KTN1: variants seen among roughly 807,000 people sequenced by gnomAD.
The protein encoded by KTN1 is kinectin.
KTN1 carries 130 observed loss-of-function variants against 222.5 expected under a neutral mutation model. The observed-to-expected ratio is 0.58, with a 90% CI of 0.51 to 0.68. KTN1 has a LOEUF of 0.68. Ranked by LOEUF, KTN1 falls within the 30% of genes least tolerant of loss-of-function variation. The pLI is 0.00. For synonymous variants in KTN1, 512 were observed against 496.3 expected (o/e 1.03, Z -0.42); for missense variants, 1,508 against 1,500.4 (o/e 1.01, Z -0.08).
intron 21 of KTN1, among the ~76,000 whole-genome samples, chr14:55,649,073 C>T (rs138474982): frequency 1.3e-3 from 196 of 152,278 alleles, no homozygotes; most frequent in East Asian, 0.01. Flanking sequence ...ACTGTAGGCT[C>T]ATGCCACAAT....
intron 1 of KTN1, among the ~76,000 whole-genome samples, chr14:55,606,523 TTG>T (rs1477620703): frequency 6.6e-6 from 1 of 152,162 alleles, no homozygotes; most frequent in Non-Finnish European, 1.5e-5. Flanking sequence ...ATTAGTTTTT[TTG>T]TGTCATTTGT....
chr14:55,673,071 T>G, intron 39 of KTN1, 59 bp downstream of exon 39: 1 of 1,514,556 alleles, frequency 6.6e-7, no homozygotes, highest in Non-Finnish European at 9.2e-7. Context: ...TTTATAACAG[T>G]GATATTTCAG....
chr14:55,653,831 A>G lies in KTN1; in HGVS notation c.2801+235A>G, dbSNP rs551492097. 7.9e-5 allele frequency among the ~76,000 whole-genome samples: 12 copies of G among 152,262 alleles called. No individual in the cohort carries two copies. The South Asian group carries it at 8.3e-4, about 11-fold the overall frequency. On this transcript the variant is annotated intron_variant, in intron 28 of 43. Coordinates refer to ENST00000395314, the MANE Select transcript of KTN1 (RefSeq NM_001079521.2). Reference sequence around the variant, plus strand: ...CAAATCCATCAAACCCATTTTTTCAATTATTCTTTCTGCAAATATAGGCTG... The same window carrying G: ...CAAATCCATCAAACCCATTTTTTCAGTTATTCTTTCTGCAAATATAGGCTG...
At chr14:55,651,615 C>G in intron 24 of KTN1, 1 of 419,530 alleles carries the variant, frequency 2.4e-6, no homozygotes. Flanking sequence ...CATCCCACTG[C>G]TTCACTTGAC....
intron 4 of KTN1, among the ~76,000 whole-genome samples, chr14:55,618,878 G>A (rs2038756658): frequency 6.6e-6 from 1 of 152,062 alleles, no homozygotes; most frequent in African/African-American, 2.4e-5. Flanking sequence ...GAATATAATA[G>A]TGCAGATATT....
At chr14:55,629,258 T>A (rs1369354341) in intron 6 of KTN1, among the ~76,000 whole-genome samples, 1 of 151,180 alleles carries the variant, frequency 6.6e-6, no homozygotes, top group Non-Finnish European at 1.5e-5. Context: ...CTAATAAAAA[T>A]ACAAAAAAAA....
intron 30 of KTN1, 147 bp downstream of exon 30, chr14:55,658,761 G>T (rs2043781625): frequency 1.7e-6 from 1 of 590,200 alleles, no homozygotes; most frequent in South Asian, 2.3e-5. Context: ...ATAAAAGAAA[G>T]CAACTTGCTA....
chr14:55,588,511 G>A (rs1445073414), intron 1 of KTN1, among the ~76,000 whole-genome samples: 8 of 152,106 alleles, frequency 5.3e-5, no homozygotes, highest in South Asian at 2.1e-4. Context: ...CGAGAACTAT[G>A]ATCACTTTTT....
At chr14:55,631,778 A>G (rs1193296897) in intron 7 of KTN1, among the ~76,000 whole-genome samples, 2 of 152,106 alleles carry the variant, frequency 1.3e-5, no homozygotes, top group Admixed American at 6.5e-5. Flanking sequence ...CCCTGTCTCA[A>G]AAAACAAAAA....
intron 1 of KTN1, among the ~76,000 whole-genome samples, chr14:55,599,283 T>C (rs2035578193): frequency 6.6e-6 from 1 of 152,228 alleles, no homozygotes; most frequent in Non-Finnish European, 1.5e-5. Flanking sequence ...TTTTGGGATC[T>C]ACTCCCTGTT....
At chr14:55,682,440 A>G (rs962061174) in intron 43 of KTN1, 1 of 152,142 alleles carries the variant, frequency 6.6e-6, no homozygotes, top group Non-Finnish European at 1.5e-5. Flanking sequence ...CCTGGTTTCT[A>G]AGTTTTCTAG....
At chr14:55,585,666 A>G (rs193258669) in intron 1 of KTN1, among the ~76,000 whole-genome samples, 1 of 152,320 alleles carries the variant, frequency 6.6e-6, no homozygotes, top group East Asian at 1.9e-4. Context: ...TTTTATAGAA[A>G]TAACACCTTT....
At chr14:55,611,834 C>T (rs1172886098) in intron 1 of KTN1, 185 bp from the exon 2 acceptor site, 2 of 312,808 alleles carry the variant, frequency 6.4e-6, no homozygotes, top group African/African-American at 4.2e-5. Context: ...TCTTATTTTT[C>T]ATAGTATATA....
chr14:55,603,364 T>C (rs781129692), intron 1 of KTN1, among the ~76,000 whole-genome samples: 6 of 152,226 alleles, frequency 3.9e-5, no homozygotes, highest in Non-Finnish European at 8.8e-5. Context: ...TGATCACCAC[T>C]ACTCTACTGC....
intron 33 of KTN1, among the ~76,000 whole-genome samples, chr14:55,666,628 G>C (rs2044777840): frequency 6.6e-6 from 1 of 151,874 alleles, no homozygotes; most frequent in Non-Finnish European, 1.5e-5. Flanking sequence ...GTCAGAACTA[G>C]TTTTTATGAT....
At position 55,619,287 on chromosome 14, in the gene KTN1, G is replaced by A. The variant is rs558675926; in HGVS notation, c.938G>A (p.Gly313Asp). The change falls in exon 5 of 44, where the codon GGT (glycine) becomes GAT (aspartate). Residue 313 changes from glycine to aspartate, a missense_variant. Gly to Asp is a moderately conservative substitution (Grantham distance 94). Transcript: ENST00000395314. ...CVVDLLKEKS[G>D]VIQDALKKSS... The stretch of plus-strand genomic sequence containing the variant: ...GTAGACTTGCTAAAGGAGAAGTCTG[G>A]TGTAATACAAGATGCTTTAAAGAAG... 17 of 1,613,422 alleles carry A rather than the reference G, an allele frequency of 1.1e-5. No individual in the cohort carries two copies.
chr14:55,667,462 G>A, intron 34 of KTN1, 132 bp downstream of exon 34: 1 of 480,346 alleles, frequency 2.1e-6, no homozygotes, highest in Non-Finnish European at 3.6e-6. Flanking sequence ...TTAAGCTGGT[G>A]CTTTTCAGTA....
rs746366620 is a variant in KTN1 at position 55,637,323 on chromosome 14, A to G, written c.1675A>G (p.Lys559Glu). The change falls in exon 11 of 44, where the codon AAA (lysine) becomes GAA (glutamate). Residue 559 changes from lysine to glutamate, a missense_variant. Lys to Glu is a moderately conservative substitution (Grantham distance 56). Coordinates refer to ENST00000395314, the MANE Select transcript of KTN1 (RefSeq NM_001079521.2). ...RLMQLMESEQ[K>E]RVNKEESLQM... is the part of the protein sequence containing the mutation. ...AATGCAGTTAATGGAATCAGAGCAGAAAAGGGTGAACAAAGAAGAGTCTCT... is the reference window on the plus strand; with the variant it reads ...AATGCAGTTAATGGAATCAGAGCAGGAAAGGGTGAACAAAGAAGAGTCTCT... 204 of 1,606,826 alleles carry G rather than the reference A, an allele frequency of 1.3e-4. 2 individuals are homozygous for G. In the Admixed American group the frequency reaches 3.4e-3, roughly 27 times the overall value.
At chr14:55,642,351 A>G (rs1951891) in intron 18 of KTN1, among the ~76,000 whole-genome samples, 3,593 of 152,194 alleles carry the variant, frequency 0.024, 125 homozygotes, top group African/African-American at 0.078. Flanking sequence ...ATCCCCTGCC[A>G]CCATCACTAT....
Sources: gnomAD v4.1 joint callset for allele counts (sites outside exome capture counted in the v4.1 genomes callset) on GRCh38, gnomAD v4.1.1 for gene constraint, MANE v1.5 for transcripts, NCBI Gene and HGNC (gene_info 2026-07-23, HGNC 2026-07-21) for gene names.